The following STARD7 variants were observed in gnomAD, a reference collection of about 807,000 sequenced individuals.
STARD7 encodes the protein StAR related lipid transfer domain containing 7, also known as stAR-related lipid transfer protein 7, mitochondrial.
A neutral mutation model predicts 45.3 loss-of-function variants in STARD7; 30 were observed. The ratio of observed to expected loss-of-function variants is 0.66; its 90% CI spans 0.50 to 0.90. The LOEUF (loss-of-function observed/expected upper bound fraction) is 0.90. STARD7 is among the 40% of genes least tolerant of loss of function. The pLI, the probability that STARD7 is intolerant of heterozygous loss-of-function variation, is 0.00. For missense variants in STARD7, 495 were observed against 491.3 expected (o/e 1.01, Z -0.07); for synonymous variants, 199 against 183.0 (o/e 1.09, Z -0.70).
chr2:96,192,947 T>C, intron 5 of STARD7, 131 bp downstream of exon 5: 1 of 680,382 alleles, frequency 1.5e-6, no homozygotes, highest in Non-Finnish European at 2.7e-6. Flanking sequence ...TCTAGCTGGA[T>C]GGAAGGGGCA....
chr2:96,190,775 T>TG (rs1683114268), intron 6 of STARD7, among the ~76,000 whole-genome samples: 1 of 152,138 alleles, frequency 6.6e-6, no homozygotes, highest in Non-Finnish European at 1.5e-5. Context: ...CCCAAGCAGC[T>TG]GGGACTACAG....
At chr2:96,204,415 G>T (rs766047893) in intron 1 of STARD7, among the ~76,000 whole-genome samples, 2 of 151,980 alleles carry the variant, frequency 1.3e-5, no homozygotes, top group Non-Finnish European at 2.9e-5. Context: ...TTAGCCGGGT[G>T]TGGTGGCAAG....
chr2:96,190,307 T>TA (rs1683105566), intron 6 of STARD7, among the ~76,000 whole-genome samples: 1 of 150,948 alleles, frequency 6.6e-6, no homozygotes, highest in Non-Finnish European at 1.5e-5. Flanking sequence ...ATAATATATT[T>TA]AAAAACTAAG....
intron 1 of STARD7, among the ~76,000 whole-genome samples, chr2:96,205,477 G>T (rs1361133862): frequency 6.6e-6 from 1 of 152,206 alleles, no homozygotes; most frequent in Non-Finnish European, 1.5e-5. Context: ...GCACAGATGA[G>T]CCAAAGGCTG....
At chr2:96,197,832 T>C (rs1267193281) in intron 1 of STARD7, among the ~76,000 whole-genome samples, 1 of 152,216 alleles carries the variant, frequency 6.6e-6, no homozygotes, top group East Asian at 1.9e-4. Context: ...TCATATGATA[T>C]GTAGCTTTTG....
chr2:96,186,920 A>G lies in STARD7; in HGVS notation c.929-6T>C, dbSNP rs375477751. The G allele has an allele frequency of 8.1e-6, 13 of 1,610,336 alleles. No individual in the cohort carries two copies. Among genetic ancestry groups the G allele is most frequent in the African/African-American group, 1.3e-5 (1 of 74,810 alleles). On this transcript the variant is annotated splice_polypyrimidine_tract_variant and splice_region_variant and intron_variant, in intron 7 of 7. Transcript: ENST00000337288. ...CTCCAGGAAATCTGGCATGCCTGTC[A>G]GGAGACGAGAATCAGGTTAAGCTGA...
At chr2:96,200,106 G>A (rs1235384377) in intron 1 of STARD7, among the ~76,000 whole-genome samples, 2 of 151,152 alleles carry the variant, frequency 1.3e-5, no homozygotes, top group Non-Finnish European at 1.5e-5. Context: ...TTTTTTGTTT[G>A]TTCTGAGCCC....
In STARD7 at chr2:96,193,287, A is replaced by G. The variant is rs2104180814; in HGVS notation, c.615T>C (p.Asp205=). ...LVIKLEVIER[D]VVSGSEVLHW... is the part of the protein sequence containing the mutation. Reference sequence around the variant, plus strand: ...GAAGAACCTCGGAACCACTAACCACATCCCTCTCAATCACCTCCAGCTTGA... The same window carrying G: ...GAAGAACCTCGGAACCACTAACCACGTCCCTCTCAATCACCTCCAGCTTGA... The change falls in exon 4 of 8, where the codon GAT becomes GAC. Residue 205 remains aspartate (D), a synonymous_variant. Transcript: ENST00000337288. 6.2e-7 allele frequency: 1 copy of G among 1,613,954 alleles called. No individual in the cohort carries two copies. Among genetic ancestry groups the G allele is most frequent in the Non-Finnish European group, 8.5e-7 (1 of 1,179,842 alleles).
intron 1 of STARD7, among the ~76,000 whole-genome samples, chr2:96,203,963 AC>A (rs59477259): frequency 6.0e-4 from 89 of 148,862 alleles, no homozygotes; most frequent in African/African-American, 2.1e-3. Context: ...AAGACTCCAT[AC>A]CCCCCAAAAA....
chr2:96,203,677 T>C (rs980572142), intron 1 of STARD7, among the ~76,000 whole-genome samples: 2 of 152,140 alleles, frequency 1.3e-5, no homozygotes, highest in African/African-American at 2.4e-5. Context: ...ATAAAAGACA[T>C]AGGAGTCAGG....
At chr2:96,200,912 A>G (rs915531050) in intron 1 of STARD7, among the ~76,000 whole-genome samples, 1 of 152,138 alleles carries the variant, frequency 6.6e-6, no homozygotes, top group African/African-American at 2.4e-5. Context: ...TATACACTCT[A>G]TTGCAATTCA....
intron 1 of STARD7, among the ~76,000 whole-genome samples, chr2:96,204,836 C>T (rs896511965): frequency 2.7e-5 from 4 of 150,904 alleles, no homozygotes; most frequent in Non-Finnish European, 5.9e-5. Flanking sequence ...TTTAACATAT[C>T]CCGAATGCCC....
intron 1 of STARD7, among the ~76,000 whole-genome samples, chr2:96,201,253 G>A (rs1325993675): frequency 2.6e-5 from 4 of 151,678 alleles, no homozygotes; most frequent in Non-Finnish European, 5.9e-5. Context: ...AATGAAAATA[G>A]GCCTCAGTAA....
chr2:96,205,158 A>T (rs1683369093), intron 1 of STARD7, among the ~76,000 whole-genome samples: 1 of 152,234 alleles, frequency 6.6e-6, no homozygotes, highest in South Asian at 2.1e-4. Context: ...AATTTAAGAC[A>T]ACTGGGTACT....
Position 96,208,442 on chromosome 2 carries a change from C to G in STARD7, c.-8G>C, listed in dbSNP as rs529929234. The G allele has an allele frequency of 1.0e-4, 139 of 1,361,596 alleles. 2 individuals carry two copies. The Middle Eastern group carries it at 1.9e-3, about 19-fold the overall frequency. The allele number at this position is 1,361,596 out of a possible 1,614,324, so 84.3% of individuals were successfully genotyped here. ...CAGCCTCCGCGGGAGCATGCCGCCTCCCGCAGGGCCCGCCGCGAGCTTCCG... is the reference window on the plus strand; with the variant it reads ...CAGCCTCCGCGGGAGCATGCCGCCTGCCGCAGGGCCCGCCGCGAGCTTCCG... On this transcript the variant is annotated 5_prime_UTR_variant, in exon 1 of 8. Transcript: ENST00000337288.
At chr2:96,194,757 G>A (rs114714911) in intron 3 of STARD7, among the ~76,000 whole-genome samples, 5 of 152,318 alleles carry the variant, frequency 3.3e-5, no homozygotes, top group African/African-American at 1.2e-4. Flanking sequence ...TCCTGTGGGA[G>A]GGTAAAACTG....
rs1294222044 is a variant in STARD7 at position 96,193,496 on chromosome 2, G to A, written c.550-144C>T. The A allele has an allele frequency of 2.3e-5, 15 of 647,678 alleles. 1 individual carries two copies. The Admixed American group carries it at 3.5e-4, about 15-fold the overall frequency. The allele number at this position is 647,678 out of a possible 1,614,324, so 40.1% of individuals were successfully genotyped here. A position where few individuals can be genotyped will look rare whatever the true frequency, so the allele number is the denominator to read the frequency against. On this transcript the variant is annotated intron_variant, in intron 3 of 7. Coordinates refer to ENST00000337288, the MANE Select transcript of STARD7 (RefSeq NM_020151.4). ...CCTAACAGACAGTGCCAGAGTGTGAGAGACATGGCTGTGTTTACTACAGAT... is the reference window on the plus strand; with the variant it reads ...CCTAACAGACAGTGCCAGAGTGTGAAAGACATGGCTGTGTTTACTACAGAT...
chr2:96,205,652 A>G lies in STARD7; in HGVS notation c.290+2493T>C, dbSNP rs145555859. On this transcript the variant is annotated intron_variant, in intron 1 of 7. Coordinates refer to ENST00000337288, the MANE Select transcript of STARD7 (RefSeq NM_020151.4). ...CTAAGCTAGCTATGACAACCTCAGC[A>G]GTGCCTACTTTCAAGCAAATAGAAT... Among the ~76,000 whole-genome samples, 756 of 152,368 alleles carry G rather than the reference A, an allele frequency of 5.0e-3. 1 individual carries two copies. The highest frequency in any genetic ancestry group is 0.01 in the Admixed American group (154 of 15,304).
intron 1 of STARD7, among the ~76,000 whole-genome samples, chr2:96,205,428 T>C (rs1683373896): frequency 6.6e-6 from 1 of 152,236 alleles, no homozygotes; most frequent in South Asian, 2.1e-4. Flanking sequence ...ACAGCTATGT[T>C]AGAATTAGTT....
Sources: allele counts gnomAD v4.1 joint callset (sites outside exome capture counted in the v4.1 genomes callset), GRCh38; gene constraint gnomAD v4.1.1; transcripts MANE v1.5; gene names NCBI Gene and HGNC (gene_info 2026-07-23, HGNC 2026-07-21).